GSDME: variants seen among roughly 807,000 people sequenced by gnomAD.
GSDME encodes gasdermin-E.
A neutral mutation model predicts 47.5 loss-of-function variants in GSDME; 44 were observed. That is an observed-to-expected ratio of 0.93 (90% CI 0.73 to 1.19). The LOEUF is 1.19. Among genes scored for constraint, GSDME ranks in the 50% most tolerant of loss-of-function variants. The pLI is 0.00. For missense variants in GSDME, 663 were observed against 604.2 expected, an observed-to-expected ratio of 1.10 and a Z score of -1.02; for synonymous variants, 258 against 252.8, an observed-to-expected ratio of 1.02 and a Z score of -0.20.
chr7:24,763,807 G>A, the GSDME span, among the ~76,000 whole-genome samples: 13 of 152,312 alleles, frequency 8.5e-5, no homozygotes, highest in Admixed American at 2.0e-4. The surrounding 1 kb of genome is among the most constrained non-coding windows in gnomAD (Gnocchi z 4.3). Flanking sequence ...ACTGGGTTTC[G>A]AGAGCAGTGG....
intron 6 of GSDME, 22 bp downstream of exon 6, chr7:24,710,202 A>C: frequency 6.2e-7 from 1 of 1,611,932 alleles, no homozygotes. Context: ...ACTGCCCACT[A>C]CTCCTGCCCT....
chr7:24,761,085 G>A (rs1487731589), upstream of GSDME, among the ~76,000 whole-genome samples: 1 of 152,214 alleles, frequency 6.6e-6, no homozygotes, highest in Non-Finnish European at 1.5e-5. The surrounding 1 kb of genome is among the most constrained non-coding windows in gnomAD (Gnocchi z 4.4). Context: ...TTAGTGGCTT[G>A]AAACAACAAC....
At chr7:24,770,463 G>A in the GSDME span, among the ~76,000 whole-genome samples, 2 of 152,110 alleles carry the variant, frequency 1.3e-5, no homozygotes, top group African/African-American at 2.4e-5. This position sits in a 1 kb window ranked among gnomAD's most constrained non-coding sequence, Gnocchi z 4.6. Context: ...CGTGAGAATC[G>A]CCACATTTGC....
In GSDME at chr7:24,732,081, C is replaced by T. The variant is rs1002500964; in HGVS notation, c.404+12481G>A. 3.3e-5 allele frequency among the ~76,000 whole-genome samples: 5 copies of T among 152,154 alleles called. No individual in the cohort carries two copies. Among genetic ancestry groups the T allele is most frequent in the Admixed American group, 6.5e-5 (1 of 15,278 alleles). On this transcript the variant is annotated intron_variant, in intron 3 of 9. Coordinates refer to ENST00000645220, the MANE Select transcript of GSDME (RefSeq NM_001127453.2). This position sits in a 1 kb window ranked among gnomAD's most constrained non-coding sequence, Gnocchi z 4.8. ...TACACCTGCCCTGGAAGGAGAAACA[C>T]AGCAAAAAGAGAATCAGCGACAGGA...
At position 24,712,161 on chromosome 7, in the gene GSDME, C is replaced by T. The variant is rs527736356; in HGVS notation, c.698-1773G>A. 3.3e-5 allele frequency among the ~76,000 whole-genome samples: 5 copies of T among 152,182 alleles called. No individual in the cohort carries two copies. The highest frequency in any genetic ancestry group is 6.5e-5 in the Admixed American group (1 of 15,282). ...AATGGCTGTCTAAAGACAAAGGAAA[C>T]GATCCCTGGGCTTTACCCACCTGGC... On this transcript the variant is annotated intron_variant, in intron 5 of 9. Coordinates refer to ENST00000645220, the MANE Select transcript of GSDME (RefSeq NM_001127453.2). The surrounding 1 kb of genome is among the most constrained non-coding windows in gnomAD (Gnocchi z 4.4).
intron 3 of GSDME, among the ~76,000 whole-genome samples, chr7:24,741,773 G>A (rs768202373): frequency 7.2e-5 from 11 of 152,134 alleles, no homozygotes; most frequent in Non-Finnish European, 1.3e-4. Flanking sequence ...GTTATGGGGA[G>A]TCCAGAGACA....
upstream of GSDME, among the ~76,000 whole-genome samples, chr7:24,759,385 A>G (rs183363284): frequency 2.9e-3 from 436 of 152,170 alleles, 16 homozygotes; most frequent in Admixed American, 0.025. Context: ...AGTGGCTTCA[A>G]ATTCTGTCAC....
upstream of GSDME, among the ~76,000 whole-genome samples, chr7:24,760,944 CA>C (rs1791157257): frequency 6.6e-6 from 1 of 152,230 alleles, no homozygotes. The surrounding 1 kb of genome is among the most constrained non-coding windows in gnomAD (Gnocchi z 4.2). Flanking sequence ...AATTACTTGG[CA>C]GCTAGCAAAT....
the GSDME span, among the ~76,000 whole-genome samples, chr7:24,773,859 T>C: frequency 1.3e-5 from 2 of 152,258 alleles, no homozygotes; most frequent in African/African-American, 4.8e-5. The surrounding 1 kb of genome is among the most constrained non-coding windows in gnomAD (Gnocchi z 5.4). Flanking sequence ...GCTCAAATGC[T>C]GCAACCACAT....
At chr7:24,779,497 T>TGG in the GSDME span, among the ~76,000 whole-genome samples, 1 of 66,370 alleles carries the variant, frequency 1.5e-5, no homozygotes, top group Non-Finnish European at 3.1e-5. The surrounding 1 kb of genome is among the most constrained non-coding windows in gnomAD (Gnocchi z 6.0). Context: ...AAGTGATACA[T>TGG]GGTGTGTGTG....
chr7:24,710,437 G>A, intron 5 of GSDME, 49 bp from the exon 6 acceptor site: 3 of 1,599,232 alleles, frequency 1.9e-6, no homozygotes, highest in Non-Finnish European at 2.6e-6. Flanking sequence ...AGTCTAAGGT[G>A]TGCCAACAAG....
the GSDME span, among the ~76,000 whole-genome samples, chr7:24,790,417 T>G: frequency 6.6e-6 from 1 of 152,190 alleles, no homozygotes; most frequent in Non-Finnish European, 1.5e-5. The surrounding 1 kb of genome is among the most constrained non-coding windows in gnomAD (Gnocchi z 4.1). Flanking sequence ...ATGCTTCTCT[T>G]TTCACGGGAA....
rs1352693439 is a variant in GSDME, at chr7:24,756,026, C to G, written c.-20+1370G>C. Among the ~76,000 whole-genome samples the G allele has an allele frequency of 6.6e-6, 1 of 152,228 alleles. No individual in the cohort carries two copies. Among genetic ancestry groups the G allele is most frequent in the Non-Finnish European group, 1.5e-5 (1 of 68,038 alleles). On this transcript the variant is annotated intron_variant, in intron 1 of 9. Coordinates refer to ENST00000645220, the MANE Select transcript of GSDME (RefSeq NM_001127453.2). This position sits in a 1 kb window ranked among gnomAD's most constrained non-coding sequence, Gnocchi z 4.2. ...ATCTTTTATCTTCCTATCCCTACAG[C>G]CCAGTACCTGAGCTCATTTTTAATG... is the stretch of plus-strand genomic sequence containing the variant.
chr7:24,702,611 A>T, intron 9 of GSDME, 149 bp downstream of exon 9: 2 of 687,444 alleles, frequency 2.9e-6, no homozygotes, highest in East Asian at 6.2e-5. Context: ...ATGTGTATAA[A>T]AGTGGGGTTA....
chr7:24,706,308 C>G lies in GSDME; in HGVS notation c.1059G>C (p.Gln353His). The G allele has an allele frequency of 6.2e-7, 1 of 1,614,004 alleles. No individual in the cohort carries two copies. The highest frequency in any genetic ancestry group is 8.5e-7 in the Non-Finnish European group (1 of 1,180,022). Residue 353 changes from glutamine (Q) to histidine (H), a missense_variant, in exon 8 of 10, where the codon CAG (glutamine) becomes CAC (histidine). Gln to His is a conservative substitution (Grantham distance 24). Transcript: ENST00000645220. ...GCTGCAGGAAGGCCACAAGGTCCTG[C>G]TGCTGCCGGGGCTTCAGCTCCCCCA... ...AVLGELKPRQQQDLVAFLQLV... is the reference protein window; with the variant it reads ...AVLGELKPRQHQDLVAFLQLV...
intron 3 of GSDME, among the ~76,000 whole-genome samples, chr7:24,737,473 A>G (rs1259590658): frequency 4.7e-4 from 71 of 151,998 alleles, no homozygotes; most frequent in Non-Finnish European, 8.8e-5. Context: ...AAAATAACAA[A>G]AAAAACAAGT....
At chr7:24,773,124 G>T in the GSDME span, among the ~76,000 whole-genome samples, 1 of 152,164 alleles carries the variant, frequency 6.6e-6, no homozygotes, top group Non-Finnish European at 1.5e-5. The surrounding 1 kb of genome is among the most constrained non-coding windows in gnomAD (Gnocchi z 5.4). Flanking sequence ...TCCCTGAAAA[G>T]TCTGTCTTGT....
chr7:24,748,266 T>C (rs144395434), intron 2 of GSDME, among the ~76,000 whole-genome samples: 2,025 of 151,254 alleles, frequency 0.013, 53 homozygotes, highest in African/African-American at 0.047. Context: ...TTCAAGCGAT[T>C]CTCCTGCCTC....
At chr7:24,793,246 A>C in the GSDME span, among the ~76,000 whole-genome samples, 1 of 152,174 alleles carries the variant, frequency 6.6e-6, no homozygotes, top group African/African-American at 2.4e-5. Flanking sequence ...GACTCTCTTC[A>C]ACCTTTTATA....
Sources: allele counts gnomAD v4.1 joint callset (sites outside exome capture counted in the v4.1 genomes callset), GRCh38; gene constraint gnomAD v4.1.1; non-coding constraint Gnocchi (gnomAD v3.1); transcripts MANE v1.5; gene names NCBI Gene and HGNC (gene_info 2026-07-23, HGNC 2026-07-21).